Variants in PLD5 observed in about 807,000 individuals in gnomAD.
PLD5 encodes the protein inactive phospholipase D5.
Under a neutral mutation model 61.1 loss-of-function variants are expected in PLD5, and 36 were observed. That is an observed-to-expected ratio of 0.59 (90% CI 0.45 to 0.78). PLD5 has a LOEUF of 0.78. PLD5 is among the 30% of genes least tolerant of loss of function. PLD5 has a pLI of 0.00. For synonymous variants in PLD5, 243 were observed against 242.8 expected, an observed-to-expected ratio of 1.00 and a Z score of -0.01; for missense variants, 515 against 644.4, an observed-to-expected ratio of 0.80 and a Z score of 2.17.
At chr1:242,257,796 A>T (rs1217546675) in intron 4 of PLD5, among the ~76,000 whole-genome samples, 2 of 152,174 alleles carry the variant, frequency 1.3e-5, no homozygotes, top group East Asian at 3.8e-4. Flanking sequence ...TTTAAAGACC[A>T]AACAGCACCT....
At chr1:242,211,273 T>C (rs950711812) in intron 5 of PLD5, among the ~76,000 whole-genome samples, 3 of 152,030 alleles carry the variant, frequency 2.0e-5, no homozygotes, top group African/African-American at 7.2e-5. Context: ...GGCCGGAAGG[T>C]TTTGCAAAAG....
chr1:242,159,474 A>G (rs545210429), intron 5 of PLD5, among the ~76,000 whole-genome samples: 1 of 152,084 alleles, frequency 6.6e-6, no homozygotes, highest in Non-Finnish European at 1.5e-5. Context: ...AAATGCTATG[A>G]ATTTGTTATA....
At chr1:242,295,862 T>C (rs905140136) in intron 2 of PLD5, among the ~76,000 whole-genome samples, 1 of 152,356 alleles carries the variant, frequency 6.6e-6, no homozygotes, top group Admixed American at 6.5e-5. Context: ...TATCGCATTG[T>C]GGTTTTAGTT....
chr1:242,250,511 AT>A (rs200507982), intron 4 of PLD5, among the ~76,000 whole-genome samples: 1 of 150,488 alleles, frequency 6.6e-6, no homozygotes, highest in African/African-American at 2.4e-5. Flanking sequence ...GTTCCATATT[AT>A]TTTTTTTAAC....
intron 1 of PLD5, among the ~76,000 whole-genome samples, chr1:242,411,370 G>A (rs1481463449): frequency 6.6e-6 from 1 of 152,188 alleles, no homozygotes; most frequent in Non-Finnish European, 1.5e-5. Context: ...CGAGTAGCTG[G>A]GACTACAGGC....
chr1:242,497,169 C>T (rs1024571745), intron 1 of PLD5, among the ~76,000 whole-genome samples: 9 of 152,206 alleles, frequency 5.9e-5, no homozygotes, highest in Admixed American at 2.0e-4. Context: ...GCAGCCAAAA[C>T]TACATCTACT....
At chr1:242,370,804 CA>C (rs1661591967) in intron 1 of PLD5, among the ~76,000 whole-genome samples, 1 of 152,098 alleles carries the variant, frequency 6.6e-6, no homozygotes, top group African/African-American at 2.4e-5. Context: ...AAAAAAATGA[CA>C]AAATGCCAAC....
intron 2 of PLD5, among the ~76,000 whole-genome samples, chr1:242,317,015 T>A (rs1574720101): frequency 6.6e-6 from 1 of 152,210 alleles, no homozygotes; most frequent in South Asian, 2.1e-4. Flanking sequence ...CTACTTTTTT[T>A]TTTTTTTCTT....
In PLD5 at chr1:242,128,373, T is replaced by C. The variant is rs541012277; in HGVS notation, c.736-3708A>G. ...ACCTTGTTTCTCAGAAGTATTTGTCTGCTAATCTTCATGTGGATGTTTGCC... is the reference window on the plus strand; with the variant it reads ...ACCTTGTTTCTCAGAAGTATTTGTCCGCTAATCTTCATGTGGATGTTTGCC... On this transcript the variant is annotated intron_variant, in intron 5 of 9. Coordinates refer to ENST00000536534, the MANE Select transcript of PLD5 (RefSeq NM_001372062.1). 4.6e-5 allele frequency among the ~76,000 whole-genome samples: 7 copies of C among 151,468 alleles called. 1 individual carries two copies. Among genetic ancestry groups the C allele is most frequent in the African/African-American group, 1.5e-4 (6 of 40,978 alleles).
At chr1:242,465,548 T>C (rs993390666) in intron 1 of PLD5, among the ~76,000 whole-genome samples, 17 of 152,300 alleles carry the variant, frequency 1.1e-4, no homozygotes, top group African/African-American at 3.8e-4. Flanking sequence ...CTGCTGCTAA[T>C]CTCTCCCCTC....
At chr1:242,096,656 GTTGT>G (rs576162905) in intron 9 of PLD5, among the ~76,000 whole-genome samples, 226 of 147,066 alleles carry the variant, frequency 1.5e-3, no homozygotes, top group African/African-American at 5.2e-3. Flanking sequence ...TAGTTTTTTG[GTTGT>G]TTGTTTGTTT....
At chr1:242,524,919 G>T (rs1395554387), upstream of PLD5, among the ~76,000 whole-genome samples, 1 of 152,056 alleles carries the variant, frequency 6.6e-6, no homozygotes, top group Non-Finnish European at 1.5e-5. Flanking sequence ...TGGAAAGCCG[G>T]CAGGCGAGGG....
chr1:242,350,395 T>C (rs1660404830), intron 1 of PLD5, among the ~76,000 whole-genome samples: 1 of 151,452 alleles, frequency 6.6e-6, no homozygotes, highest in Non-Finnish European at 1.5e-5. Flanking sequence ...CAGCCAGGCA[T>C]ACATCACTCT....
At chr1:242,489,603 A>G (rs1206502461) in intron 1 of PLD5, among the ~76,000 whole-genome samples, 1 of 152,190 alleles carries the variant, frequency 6.6e-6, no homozygotes, top group Non-Finnish European at 1.5e-5. Context: ...CTACATTTCC[A>G]TTTTAACACT....
chr1:242,223,617 A>C (rs1241800490), intron 4 of PLD5, among the ~76,000 whole-genome samples: 1 of 152,216 alleles, frequency 6.6e-6, no homozygotes, highest in South Asian at 2.1e-4. Context: ...ACAGTCTTAC[A>C]TGGCATGCTT....
intron 1 of PLD5, among the ~76,000 whole-genome samples, chr1:242,411,426 G>A (rs1160250705): frequency 2.0e-5 from 3 of 151,988 alleles, no homozygotes; most frequent in Non-Finnish European, 2.9e-5. Flanking sequence ...TAGTAGAGGC[G>A]GGGTTTCACC....
At chr1:242,163,156 C>T (rs400771) in intron 5 of PLD5, among the ~76,000 whole-genome samples, 123,203 of 147,124 alleles carry the variant, frequency 0.84, 52,116 homozygotes, top group African/African-American at 0.95. Flanking sequence ...TCTTTCTTTT[C>T]TTGAGACGAC....
chr1:242,226,345 G>A (rs1370206755), intron 4 of PLD5, among the ~76,000 whole-genome samples: 1 of 152,194 alleles, frequency 6.6e-6, no homozygotes, highest in African/African-American at 2.4e-5. Context: ...ACAGCTGCTG[G>A]TGATGAGTCC....
chr1:242,459,219 C>G (rs1190215888), intron 1 of PLD5, among the ~76,000 whole-genome samples: 1 of 152,164 alleles, frequency 6.6e-6, no homozygotes, highest in Non-Finnish European at 1.5e-5. Flanking sequence ...TATAATAAGT[C>G]TGTTCACAAT....
Sources: allele counts gnomAD v4.1 joint callset (sites outside exome capture counted in the v4.1 genomes callset), GRCh38; gene constraint gnomAD v4.1.1; transcripts MANE v1.5; gene names NCBI Gene and HGNC (gene_info 2026-07-23, HGNC 2026-07-21).